RYR2: variants seen among roughly 807,000 people sequenced by gnomAD.
RYR2 encodes ryanodine receptor 2.
In RYR2, 227 loss-of-function variants were observed where a neutral mutation model predicts 601.1. The observed-to-expected ratio is 0.38, with a 90% CI of 0.34 to 0.42. The LOEUF is 0.42. Ranked by LOEUF, RYR2 falls within the 10% of genes least tolerant of loss-of-function variation. The probability of loss-of-function intolerance (pLI) is 1.00; values close to 1 mark genes in which losing one functional copy is unlikely to be tolerated. For synonymous variants in RYR2, 2,223 were observed against 2,175.1 expected (o/e 1.02, Z -0.61); for missense variants, 4,646 against 6,156.5 (o/e 0.75, Z 8.21).
intron 1 of RYR2, among the ~76,000 whole-genome samples, chr1:237,173,953 A>C (rs1677718309): frequency 6.6e-6 from 1 of 152,096 alleles, no homozygotes; most frequent in Non-Finnish European, 1.5e-5. Context: ...GCTACTCTGG[A>C]GGCTGAGGCA....
chr1:237,597,663 G>C (rs1676041549), intron 34 of RYR2, among the ~76,000 whole-genome samples: 1 of 151,802 alleles, frequency 6.6e-6, no homozygotes, highest in Non-Finnish European at 1.5e-5. Context: ...TAGTTTCATA[G>C]TAACCACAAA....
At chr1:237,267,783 T>C (rs1266061964) in intron 1 of RYR2, 2 of 155,680 alleles carry the variant, frequency 1.3e-5, no homozygotes, top group Non-Finnish European at 2.9e-5. Context: ...TAAAATCAAT[T>C]GAGTCTCTAG....
chr1:237,655,197 C>T (rs1396670131), intron 52 of RYR2, among the ~76,000 whole-genome samples: 1 of 152,074 alleles, frequency 6.6e-6, no homozygotes, highest in African/African-American at 2.4e-5. Flanking sequence ...GAATCATTTA[C>T]AACATTTATT....
At chr1:237,486,189 T>C (rs1260059638) in intron 17 of RYR2, among the ~76,000 whole-genome samples, 1 of 152,134 alleles carries the variant, frequency 6.6e-6, no homozygotes, top group Non-Finnish European at 1.5e-5. Context: ...CAAAGAAAGG[T>C]GTTATGTTCA....
At chr1:237,552,484 C>A (rs1670498835) in intron 27 of RYR2, among the ~76,000 whole-genome samples, 1 of 151,932 alleles carries the variant, frequency 6.6e-6, no homozygotes, top group African/African-American at 2.4e-5. Flanking sequence ...CAAAAGGAAC[C>A]ACTACCGAAA....
intron 44 of RYR2, 85 bp from the exon 45 acceptor site, chr1:237,638,272 A>G (rs1681081919): frequency 8.9e-6 from 14 of 1,569,538 alleles, no homozygotes; most frequent in Non-Finnish European, 1.1e-5. Flanking sequence ...AGCATCCTTT[A>G]AGGATGTCAT....
chr1:237,255,434 A>G (rs944204486), intron 1 of RYR2, among the ~76,000 whole-genome samples: 4 of 152,104 alleles, frequency 2.6e-5, no homozygotes, highest in Non-Finnish European at 5.9e-5. Flanking sequence ...TAGGCTCTTC[A>G]CTTCTTTTTA....
At chr1:237,668,001 C>G (rs1287422956) in intron 58 of RYR2, 43 bp downstream of exon 58, 2 of 1,464,348 alleles carry the variant, frequency 1.4e-6, no homozygotes, top group South Asian at 2.5e-5. Flanking sequence ...AATCTGAGCT[C>G]AATTCCATGA....
At chr1:237,142,651 T>C (rs1236662860) in intron 1 of RYR2, among the ~76,000 whole-genome samples, 2 of 152,182 alleles carry the variant, frequency 1.3e-5, no homozygotes, top group African/African-American at 2.4e-5. Context: ...CTGCTCTCTT[T>C]GGGCAAAGAG....
intron 3 of RYR2, among the ~76,000 whole-genome samples, chr1:237,342,260 TG>T: frequency 6.6e-6 from 1 of 151,912 alleles, no homozygotes; most frequent in African/African-American, 2.4e-5. Context: ...GGGATCTTCC[TG>T]CCTCCTGAGT....
At chr1:237,567,413 T>TAGA (rs1354688917) in intron 28 of RYR2, among the ~76,000 whole-genome samples, 1 of 18,354 alleles carries the variant, frequency 5.4e-5, no homozygotes, top group Non-Finnish European at 2.0e-4. Context: ...ATCCTGTCTC[T>TAGA]ACAAAAAAAA....
At chr1:237,635,346 A>G (rs1680767568) in intron 44 of RYR2, among the ~76,000 whole-genome samples, 1 of 152,154 alleles carries the variant, frequency 6.6e-6, no homozygotes, top group African/African-American at 2.4e-5. Context: ...CTGTATCTGT[A>G]TTCTTATGTG....
intron 29 of RYR2, among the ~76,000 whole-genome samples, chr1:237,577,001 G>A (rs1033641142): frequency 2.5e-4 from 38 of 152,222 alleles, no homozygotes; most frequent in African/African-American, 7.9e-4. Flanking sequence ...CCTCTTTTAC[G>A]TTGCTCTTAG....
At chr1:237,546,455 G>A (rs1669812551) in intron 25 of RYR2, among the ~76,000 whole-genome samples, 1 of 152,104 alleles carries the variant, frequency 6.6e-6, no homozygotes. Flanking sequence ...TCGGCTCACT[G>A]CAACCTCTGC....
chr1:237,683,274 C>G lies in RYR2; in HGVS notation c.9017+2697C>G, dbSNP rs796380347. ...GAGTTAACTTTTCCACAATTAAAAC[C>G]AATGTTTCCATGAGATGTTTAGATA... On this transcript the variant is annotated intron_variant, in intron 62 of 104. Coordinates refer to ENST00000366574, the MANE Select transcript of RYR2 (RefSeq NM_001035.3). Among the ~76,000 whole-genome samples, 9 of 152,234 alleles carry G rather than the reference C, an allele frequency of 5.9e-5. 1 individual carries two copies. Among genetic ancestry groups the G allele is most frequent in the African/African-American group, 2.2e-4 (9 of 41,536 alleles).
intron 100 of RYR2, among the ~76,000 whole-genome samples, chr1:237,816,127 G>A (rs1396929148): frequency 6.6e-6 from 1 of 152,134 alleles, no homozygotes; most frequent in Non-Finnish European, 1.5e-5. Flanking sequence ...TCCACTGTTG[G>A]CTCACTGTGG....
At chr1:237,486,938 A>G (rs1300480080) in intron 17 of RYR2, among the ~76,000 whole-genome samples, 1 of 152,164 alleles carries the variant, frequency 6.6e-6, no homozygotes, top group Non-Finnish European at 1.5e-5. Flanking sequence ...TGATTATTAT[A>G]TATTTCTATG....
chr1:237,602,308 T>A (rs761080863), intron 35 of RYR2, among the ~76,000 whole-genome samples, 197 bp downstream of exon 35: 1 of 152,130 alleles, frequency 6.6e-6, no homozygotes, highest in Non-Finnish European at 1.5e-5. Flanking sequence ...TTCTCTTTAG[T>A]TATCATATGT....
At chr1:237,064,304 T>G (rs1182676064) in intron 1 of RYR2, among the ~76,000 whole-genome samples, 1 of 152,198 alleles carries the variant, frequency 6.6e-6, no homozygotes, top group East Asian at 1.9e-4. Context: ...AATTTTGAGC[T>G]GTTTTATTTT....
Sources: allele counts gnomAD v4.1 joint callset (sites outside exome capture counted in the v4.1 genomes callset), GRCh38; gene constraint gnomAD v4.1.1; transcripts MANE v1.5; gene names NCBI Gene and HGNC (gene_info 2026-07-23, HGNC 2026-07-21).